QTMAN: variants seen among roughly 807,000 people sequenced by gnomAD.
QTMAN encodes queuosine-tRNA mannosyltransferase.
the QTMAN span, among the ~76,000 whole-genome samples, chr2:144,263,595 A>T: frequency 6.6e-6 from 1 of 152,094 alleles, no homozygotes; most frequent in Non-Finnish European, 1.5e-5. Context: ...CTGATGGCAG[A>T]CGCCTGTAAT....
At chr2:144,058,785 T>C in the QTMAN span, among the ~76,000 whole-genome samples, 1 of 152,194 alleles carries the variant, frequency 6.6e-6, no homozygotes, top group Non-Finnish European at 1.5e-5. Context: ...AATGGTACCA[T>C]CTGTTACACT....
chr2:143,990,397 G>T, the QTMAN span, among the ~76,000 whole-genome samples: 1 of 152,072 alleles, frequency 6.6e-6, no homozygotes, highest in African/African-American at 2.4e-5. Context: ...TAATGGGTTG[G>T]GATAGTTACC....
the QTMAN span, among the ~76,000 whole-genome samples, chr2:144,180,146 A>G: frequency 6.6e-6 from 1 of 152,202 alleles, no homozygotes; most frequent in African/African-American, 2.4e-5. Context: ...CCACAGATAA[A>G]TGACCATACC....
chr2:144,282,055 G>A, the QTMAN span, among the ~76,000 whole-genome samples: 1 of 152,110 alleles, frequency 6.6e-6, no homozygotes. Flanking sequence ...ACTAGGTCAG[G>A]AGTGAGGTCT....
the QTMAN span, among the ~76,000 whole-genome samples, chr2:144,304,514 A>G: frequency 6.6e-6 from 1 of 152,232 alleles, no homozygotes; most frequent in Admixed American, 6.5e-5. Context: ...AGTCAATAAA[A>G]AATAGATCCA....
At chr2:144,292,116 T>A in the QTMAN span, among the ~76,000 whole-genome samples, 1 of 152,206 alleles carries the variant, frequency 6.6e-6, no homozygotes, top group Non-Finnish European at 1.5e-5. Flanking sequence ...AGAGTAGTTA[T>A]CAATATATCA....
the QTMAN span, chr2:143,945,072 T>G: frequency 1.3e-5 from 2 of 152,162 alleles, no homozygotes; most frequent in Non-Finnish European, 2.9e-5. Context: ...ATAATATTAT[T>G]TTGAGAAGAT....
the QTMAN span, among the ~76,000 whole-genome samples, chr2:144,240,879 C>T: frequency 1.3e-5 from 2 of 152,186 alleles, no homozygotes; most frequent in Admixed American, 6.5e-5. Flanking sequence ...TCACTTAATA[C>T]CCAGTTCTAA....
the QTMAN span, among the ~76,000 whole-genome samples, chr2:144,005,185 T>G: frequency 6.6e-6 from 1 of 152,184 alleles, no homozygotes; most frequent in East Asian, 1.9e-4. Context: ...AAAGGTAAAC[T>G]ATATTAACCT....
chr2:144,149,542 T>A, the QTMAN span, among the ~76,000 whole-genome samples: 1 of 151,990 alleles, frequency 6.6e-6, no homozygotes, highest in African/African-American at 2.4e-5. Context: ...AAGAGAAACC[T>A]ATATTTAAAA....
chr2:144,068,315 A>G, the QTMAN span, among the ~76,000 whole-genome samples: 2 of 152,192 alleles, frequency 1.3e-5, no homozygotes, highest in African/African-American at 2.4e-5. Flanking sequence ...AAAATATTAA[A>G]TGAAACTTGA....
the QTMAN span, among the ~76,000 whole-genome samples, chr2:144,075,831 ATT>A: frequency 2.6e-5 from 4 of 152,268 alleles, no homozygotes; most frequent in Non-Finnish European, 5.9e-5. Context: ...GGTAGCAGTG[ATT>A]TGAGACAGAA....
the QTMAN span, among the ~76,000 whole-genome samples, chr2:144,107,817 G>A: frequency 3.3e-5 from 5 of 152,084 alleles, no homozygotes; most frequent in African/African-American, 1.2e-4. Flanking sequence ...AGAATTTTAG[G>A]TCAATATCCC....
chr2:144,102,149 C>T, the QTMAN span, among the ~76,000 whole-genome samples: 2 of 152,188 alleles, frequency 1.3e-5, no homozygotes, highest in African/African-American at 4.8e-5. Context: ...TAAAGTTTCT[C>T]TGAATCCAGA....
chr2:143,950,688 C>T, the QTMAN span, among the ~76,000 whole-genome samples: 2 of 151,552 alleles, frequency 1.3e-5, no homozygotes, highest in African/African-American at 4.8e-5. Context: ...TCATTATCTG[C>T]ATATTTTGAC....
chr2:144,115,217 C>A, the QTMAN span, among the ~76,000 whole-genome samples: 3 of 150,638 alleles, frequency 2.0e-5, no homozygotes, highest in East Asian at 3.9e-4. Context: ...GGTGACAGAG[C>A]GAGACCCTGT....
the QTMAN span, among the ~76,000 whole-genome samples, chr2:144,291,592 CT>C: frequency 6.6e-6 from 1 of 152,238 alleles, no homozygotes; most frequent in African/African-American, 2.4e-5. Flanking sequence ...CATTATATCA[CT>C]TAATTCTGGA....
At chr2:144,291,551 C>A in the QTMAN span, among the ~76,000 whole-genome samples, 7 of 152,144 alleles carry the variant, frequency 4.6e-5, no homozygotes, top group Non-Finnish European at 1.0e-4. Flanking sequence ...TATAGCTCAC[C>A]CTTTAACTCT....
chr2:144,201,053 T>TA, the QTMAN span, among the ~76,000 whole-genome samples: 1 of 152,078 alleles, frequency 6.6e-6, no homozygotes, highest in Admixed American at 6.6e-5. Flanking sequence ...ATAAACAAGA[T>TA]AGATATGACT....
Sources: gnomAD v4.1 joint callset for allele counts (sites outside exome capture counted in the v4.1 genomes callset) on GRCh38, gnomAD v4.1.1 for gene constraint, MANE v1.5 for transcripts, NCBI Gene and HGNC (gene_info 2026-07-23, HGNC 2026-07-21) for gene names.